CCDC178: variants seen among roughly 807,000 people sequenced by gnomAD.
CCDC178 encodes the protein coiled-coil domain-containing protein 178.
A neutral mutation model predicts 117.4 loss-of-function variants in CCDC178; 126 were observed. The observed-to-expected ratio is 1.07, with a 90% CI of 0.93 to 1.24. CCDC178 has a LOEUF of 1.24. Ranked by LOEUF, CCDC178 falls within the 50% of genes most tolerant of loss-of-function variation. The pLI, the probability that CCDC178 is intolerant of heterozygous loss-of-function variation, is 0.00. For missense variants in CCDC178, 1,030 were observed against 986.9 expected (o/e 1.04, Z -0.59); for synonymous variants, 283 against 313.4 (o/e 0.90, Z 1.02).
At chr18:33,266,398 C>A (rs1218003783) in intron 14 of CCDC178, among the ~76,000 whole-genome samples, 1 of 151,586 alleles carries the variant, frequency 6.6e-6, no homozygotes, top group African/African-American at 2.4e-5. Flanking sequence ...CACTATGGGT[C>A]TTGGAACACA....
intron 11 of CCDC178, among the ~76,000 whole-genome samples, chr18:33,318,730 AAATT>A (rs1306936956): frequency 6.6e-6 from 1 of 152,148 alleles, no homozygotes; most frequent in African/African-American, 2.4e-5. Context: ...TTGAAAAATA[AAATT>A]AATTAAAATT....
At chr18:33,393,304 T>C (rs375075895) in intron 4 of CCDC178, among the ~76,000 whole-genome samples, 4 of 152,334 alleles carry the variant, frequency 2.6e-5, no homozygotes, top group South Asian at 4.1e-4. Context: ...TATATTTATG[T>C]GTGTATGGTG....
intron 2 of CCDC178, among the ~76,000 whole-genome samples, chr18:33,431,857 C>T (rs2064224075): frequency 6.6e-6 from 1 of 152,138 alleles, no homozygotes; most frequent in Non-Finnish European, 1.5e-5. Flanking sequence ...AGGTTTTTGG[C>T]CTGGAGAAAA....
At chr18:33,178,840 T>C (rs958810878) in intron 20 of CCDC178, among the ~76,000 whole-genome samples, 2 of 151,490 alleles carry the variant, frequency 1.3e-5, no homozygotes, top group African/African-American at 4.8e-5. Flanking sequence ...CCTATTTTGA[T>C]TTAGATGCTT....
chr18:33,424,245 G>A (rs2064080430), intron 2 of CCDC178, among the ~76,000 whole-genome samples: 1 of 151,542 alleles, frequency 6.6e-6, no homozygotes, highest in Non-Finnish European at 1.5e-5. Flanking sequence ...CATGTCTTTT[G>A]TAAAGAAGAT....
chr18:33,203,523 T>C (rs2059016004), intron 20 of CCDC178, among the ~76,000 whole-genome samples: 1 of 152,174 alleles, frequency 6.6e-6, no homozygotes, highest in Non-Finnish European at 1.5e-5. Flanking sequence ...GACTTCATTA[T>C]CTTATTATTA....
At chr18:33,362,994 T>C (rs2063151283) in intron 6 of CCDC178, among the ~76,000 whole-genome samples, 1 of 151,978 alleles carries the variant, frequency 6.6e-6, no homozygotes, top group South Asian at 2.1e-4. Context: ...TCAATACTGG[T>C]TCATTAATTA....
chr18:33,053,805 T>C lies in CCDC178; in HGVS notation c.2388+38956A>G, dbSNP rs77372483. 1.7e-4 allele frequency among the ~76,000 whole-genome samples: 26 copies of C among 152,314 alleles called. 1 individual carries two copies. The East Asian group carries it at 5.0e-3, about 29-fold the overall frequency. ...AAGTTATGTAAATTTTAAAATACAATTCAGTTTTAAAATGTATCTGGGTAA... is the reference window on the plus strand; with the variant it reads ...AAGTTATGTAAATTTTAAAATACAACTCAGTTTTAAAATGTATCTGGGTAA... On this transcript the variant is annotated intron_variant, in intron 21 of 22. Transcript: ENST00000383096.
chr18:33,346,705 T>C (rs2062899393), intron 8 of CCDC178, among the ~76,000 whole-genome samples: 2 of 152,130 alleles, frequency 1.3e-5, no homozygotes, highest in Non-Finnish European at 2.9e-5. Flanking sequence ...ATGTGCTATT[T>C]ATAAGCTGTA....
chr18:32,997,074 T>G (rs1272340850), intron 21 of CCDC178, among the ~76,000 whole-genome samples: 1 of 152,136 alleles, frequency 6.6e-6, no homozygotes, highest in Non-Finnish European at 1.5e-5. Flanking sequence ...AAAACTTCTC[T>G]CTTTCGTTTT....
At chr18:33,147,978 C>T (rs1318494147) in intron 20 of CCDC178, among the ~76,000 whole-genome samples, 1 of 150,052 alleles carries the variant, frequency 6.7e-6, no homozygotes, top group Non-Finnish European at 1.5e-5. Context: ...GACGGGGCGG[C>T]GGCCGGGCAG....
intron 14 of CCDC178, among the ~76,000 whole-genome samples, chr18:33,260,897 T>C (rs2059739120): frequency 1.3e-5 from 2 of 152,214 alleles, no homozygotes; most frequent in Admixed American, 1.3e-4. Flanking sequence ...TTGGACTTTC[T>C]ACTCATTTCC....
chr18:33,175,700 G>A (rs144469884), intron 20 of CCDC178, among the ~76,000 whole-genome samples: 22 of 152,212 alleles, frequency 1.4e-4, no homozygotes, highest in Non-Finnish European at 2.6e-4. Context: ...GCTACCAAGT[G>A]GGCAGACAGC....
At position 33,386,832 on chromosome 18, in the gene CCDC178, C is replaced by A. The variant is rs191021896; in HGVS notation, c.208+2708G>T. ...AAGACAAGGATGCCCTCACTCACCA[C>A]TCTTATTCAACATAGTGTTGGAAGT... On this transcript the variant is annotated intron_variant, in intron 5 of 22. Coordinates refer to ENST00000383096, the MANE Select transcript of CCDC178 (RefSeq NM_001105528.4). Among the ~76,000 whole-genome samples, 6 of 152,234 alleles carry A rather than the reference C, an allele frequency of 3.9e-5. No individual in the cohort carries two copies. The East Asian group carries it at 1.2e-3, about 29-fold the overall frequency.
At chr18:33,174,114 C>T (rs924955932) in intron 20 of CCDC178, among the ~76,000 whole-genome samples, 2 of 151,750 alleles carry the variant, frequency 1.3e-5, no homozygotes, top group Non-Finnish European at 2.9e-5. Flanking sequence ...AGCTTCCAAT[C>T]ATGGTGGAAG....
chr18:33,414,797 C>T (rs1169449735), intron 2 of CCDC178, among the ~76,000 whole-genome samples: 1 of 152,126 alleles, frequency 6.6e-6, no homozygotes, highest in African/African-American at 2.4e-5. Flanking sequence ...TTGCAATCTA[C>T]TCATCTGACA....
intron 20 of CCDC178, among the ~76,000 whole-genome samples, chr18:33,184,505 C>T (rs1043770343): frequency 1.3e-5 from 2 of 151,954 alleles, no homozygotes; most frequent in Admixed American, 6.6e-5. Flanking sequence ...TATATACATA[C>T]ATTACTGCCA....
chr18:33,351,519 A>G (rs1208345590), intron 7 of CCDC178, among the ~76,000 whole-genome samples: 1 of 151,342 alleles, frequency 6.6e-6, no homozygotes, highest in Non-Finnish European at 1.5e-5. Flanking sequence ...GCATTGCTGG[A>G]CTCAGGTTGA....
intron 16 of CCDC178, among the ~76,000 whole-genome samples, chr18:33,225,426 C>G (rs2144632902): frequency 6.6e-6 from 1 of 152,252 alleles, no homozygotes; most frequent in African/African-American, 2.4e-5. Context: ...TCCCAAAGTG[C>G]TGGGATTACA....
Sources: gnomAD v4.1 joint callset for allele counts (sites outside exome capture counted in the v4.1 genomes callset) on GRCh38, gnomAD v4.1.1 for gene constraint, MANE v1.5 for transcripts, NCBI Gene and HGNC (gene_info 2026-07-23, HGNC 2026-07-21) for gene names.